NAALADL2: variants seen among roughly 807,000 people sequenced by gnomAD.
NAALADL2 encodes N-acetylated alpha-linked acidic dipeptidase like 2.
NAALADL2 carries 76 observed loss-of-function variants against 87.2 expected under a neutral mutation model. The observed-to-expected ratio is 0.87, with a 90% CI of 0.72 to 1.05. The LOEUF is 1.05. Among genes scored for constraint, NAALADL2 ranks in the 50% least tolerant of loss-of-function variants. The pLI is 0.00. For synonymous variants in NAALADL2, 354 were observed against 331.0 expected, an observed-to-expected ratio of 1.07 and a Z score of -0.75; for missense variants, 1,089 against 945.8, an observed-to-expected ratio of 1.15 and a Z score of -1.99.
chr3:175,032,615 T>C (rs951721222), intron 1 of NAALADL2, among the ~76,000 whole-genome samples: 2 of 152,102 alleles, frequency 1.3e-5, no homozygotes, highest in Non-Finnish European at 2.9e-5. Context: ...TGCCTTTACC[T>C]GGCAGGCTCT....
intron 1 of NAALADL2, among the ~76,000 whole-genome samples, chr3:174,470,158 T>C (rs1716809830): frequency 6.6e-6 from 1 of 152,168 alleles, no homozygotes; most frequent in Non-Finnish European, 1.5e-5. Context: ...CTTGCCAGCA[T>C]CTGTTATTTT....
At chr3:175,539,960 A>G (rs1712014832) in intron 9 of NAALADL2, among the ~76,000 whole-genome samples, 1 of 152,236 alleles carries the variant, frequency 6.6e-6, no homozygotes, top group Non-Finnish European at 1.5e-5. Flanking sequence ...AAAAGGAAAA[A>G]AAGTACACTT....
At chr3:175,515,862 T>C (rs1731767407) in intron 9 of NAALADL2, among the ~76,000 whole-genome samples, 1 of 152,254 alleles carries the variant, frequency 6.6e-6, no homozygotes, top group African/African-American at 2.4e-5. Context: ...CTATATCATA[T>C]GCCTGTACCT....
At chr3:175,582,734 C>T (rs192313774) in intron 10 of NAALADL2, among the ~76,000 whole-genome samples, 58 of 152,286 alleles carry the variant, frequency 3.8e-4, no homozygotes, top group Non-Finnish European at 5.3e-4. Flanking sequence ...TCAAAGTGGT[C>T]ACAGTCTAGA....
At chr3:175,755,125 C>A in intron 12 of NAALADL2, 95 bp from the exon 13 acceptor site, 1 of 992,072 alleles carries the variant, frequency 1.0e-6, no homozygotes, top group Non-Finnish European at 1.5e-6. Context: ...CTTCAGTGGT[C>A]TGTCTGGCTT....
chr3:174,956,717 G>A (rs767712851), intron 1 of NAALADL2, among the ~76,000 whole-genome samples: 7 of 151,998 alleles, frequency 4.6e-5, no homozygotes, highest in Admixed American at 3.3e-4. Flanking sequence ...AGGGTGGAAT[G>A]GGGAGACACA....
At chr3:174,879,440 C>T (rs972336167) in intron 1 of NAALADL2, among the ~76,000 whole-genome samples, 2 of 151,940 alleles carry the variant, frequency 1.3e-5, no homozygotes. Context: ...TCTTAATTGT[C>T]TCTGATTATG....
chr3:175,022,053 C>T (rs1013407075), intron 1 of NAALADL2, among the ~76,000 whole-genome samples: 3 of 151,772 alleles, frequency 2.0e-5, no homozygotes, highest in Middle Eastern at 6.3e-3. Context: ...AGCTTGGTAC[C>T]TCCTGCTTCT....
At chr3:175,427,529 T>A (rs1277741704) in intron 5 of NAALADL2, among the ~76,000 whole-genome samples, 2 of 152,218 alleles carry the variant, frequency 1.3e-5, no homozygotes, top group African/African-American at 4.8e-5. Context: ...TAGCTAAGAA[T>A]ATTATACAAC....
intron 3 of NAALADL2, among the ~76,000 whole-genome samples, chr3:174,815,504 C>G (rs1720685115): frequency 6.6e-6 from 1 of 152,196 alleles, no homozygotes; most frequent in Admixed American, 6.5e-5. Context: ...AGCTCACTCA[C>G]TGAAGCCTCG....
intron 1 of NAALADL2, among the ~76,000 whole-genome samples, chr3:175,017,914 A>G (rs1751062174): frequency 6.6e-6 from 1 of 151,974 alleles, no homozygotes; most frequent in Admixed American, 6.6e-5. Flanking sequence ...TTTGCTGCTA[A>G]GCGGAGACCC....
chr3:174,447,249 G>A (rs1715126327), intron 1 of NAALADL2, among the ~76,000 whole-genome samples: 1 of 152,082 alleles, frequency 6.6e-6, no homozygotes, highest in African/African-American at 2.4e-5. Flanking sequence ...AGAGACCCTA[G>A]TCTCTAGGGG....
intron 1 of NAALADL2, among the ~76,000 whole-genome samples, chr3:174,895,030 A>G (rs981117863): frequency 6.6e-6 from 1 of 152,178 alleles, no homozygotes; most frequent in African/African-American, 2.4e-5. Flanking sequence ...CAGCAAAAGC[A>G]GTACACAGAG....
At chr3:175,197,373 T>A (rs1220804171) in intron 2 of NAALADL2, among the ~76,000 whole-genome samples, 5 of 152,064 alleles carry the variant, frequency 3.3e-5, no homozygotes, top group Non-Finnish European at 4.4e-5. Context: ...TATATCTACG[T>A]ATATTTTATG....
chr3:175,440,434 T>C (rs1719538868), intron 5 of NAALADL2, among the ~76,000 whole-genome samples: 1 of 152,120 alleles, frequency 6.6e-6, no homozygotes, highest in African/African-American at 2.4e-5. Flanking sequence ...GATGGTGGTA[T>C]TTTGATCGAA....
At chr3:174,510,484 T>G (rs2108389551) in intron 1 of NAALADL2, among the ~76,000 whole-genome samples, 1 of 152,212 alleles carries the variant, frequency 6.6e-6, no homozygotes, top group South Asian at 2.1e-4. Context: ...GGATTTTTTT[T>G]GTTTCATCTA....
At chr3:174,908,810 C>T (rs940784428) in intron 1 of NAALADL2, among the ~76,000 whole-genome samples, 1 of 151,758 alleles carries the variant, frequency 6.6e-6, no homozygotes, top group Non-Finnish European at 1.5e-5. Flanking sequence ...TTTTTACAAC[C>T]AATTATTAGA....
At chr3:175,403,105 GAGA>G (rs1020749916) in intron 5 of NAALADL2, among the ~76,000 whole-genome samples, 3 of 151,952 alleles carry the variant, frequency 2.0e-5, no homozygotes, top group Non-Finnish European at 2.9e-5. Context: ...TGCTGAATGC[GAGA>G]AGGATAAGCA....
chr3:174,677,408 A>C (rs998568978), intron 2 of NAALADL2, among the ~76,000 whole-genome samples: 5 of 151,932 alleles, frequency 3.3e-5, no homozygotes, highest in African/African-American at 1.2e-4. Flanking sequence ...ACGATTATTG[A>C]GTTACTTTTT....
Sources: gnomAD v4.1 joint callset for allele counts (sites outside exome capture counted in the v4.1 genomes callset) on GRCh38, gnomAD v4.1.1 for gene constraint, MANE v1.5 for transcripts, NCBI Gene and HGNC (gene_info 2026-07-23, HGNC 2026-07-21) for gene names.